The following TNNT2 variants were observed in gnomAD, a reference collection of about 807,000 sequenced individuals.
TNNT2 encodes the protein troponin T2, cardiac type.
Under a neutral mutation model 62.4 loss-of-function variants are expected in TNNT2, and 34 were observed. That is an observed-to-expected ratio of 0.54 (90% CI 0.41 to 0.72). TNNT2 has a LOEUF of 0.72. TNNT2 is among the 30% of genes least tolerant of loss of function. The pLI is 0.00. For missense variants in TNNT2, 275 were observed against 381.9 expected, an observed-to-expected ratio of 0.72 and a Z score of 2.33; for synonymous variants, 123 against 127.2, an observed-to-expected ratio of 0.97 and a Z score of 0.22.
rs1325007444 is a variant in TNNT2, at chr1:201,373,512, C to T, written c.-14-244G>A. On this transcript the variant is annotated intron_variant, in intron 1 of 16. Coordinates refer to ENST00000656932, the MANE Select transcript of TNNT2 (RefSeq NM_001276345.2). The stretch of plus-strand genomic sequence containing the variant: ...GTTCCTTGCCCCTGAACAGGCAATA[C>T]TGCCTGGGATGCTGCATTTCCATTT... 5.2e-5 allele frequency: 29 copies of T among 562,378 alleles called. No homozygotes were observed. In the South Asian group the frequency reaches 5.5e-4, roughly 11 times the overall value. 34.8% of individuals were successfully genotyped at this position (562,378 alleles called of 1,614,324 possible).
At chr1:201,369,563 C>A (rs1232958506) in intron 5 of TNNT2, among the ~76,000 whole-genome samples, 1 of 152,166 alleles carries the variant, frequency 6.6e-6, no homozygotes, top group Admixed American at 6.5e-5. Context: ...TAGCCTTGGT[C>A]CCTCCCACCA....
At chr1:201,368,291 G>C (rs985868008) in intron 5 of TNNT2, 64 bp from the exon 6 acceptor site, 58 of 1,569,778 alleles carry the variant, frequency 3.7e-5, no homozygotes, top group Non-Finnish European at 4.6e-5. Flanking sequence ...GCAGAACCCA[G>C]AGCAGAGAAT....
chr1:201,373,676 C>A, intron 1 of TNNT2: 1 of 272,070 alleles, frequency 3.7e-6, no homozygotes, highest in Non-Finnish European at 7.2e-6. Context: ...TGGGCTCAAG[C>A]GATTCTCCCA....
intron 15 of TNNT2, among the ~76,000 whole-genome samples, chr1:201,360,190 T>C (rs943727884): frequency 3.9e-5 from 6 of 152,118 alleles, no homozygotes; most frequent in African/African-American, 1.4e-4. Context: ...GGCACAGGAC[T>C]AGAGAGGCCA....
chr1:201,361,376 G>A lies in TNNT2; in HGVS notation c.720-7C>T, dbSNP rs376303087. Reference sequence around the variant, plus strand: ...CAGCTCCTTGGCCTTCTCCCTGCACGGGCAAGGGTGAGAATGGGGAGGTCC... The same window carrying A: ...CAGCTCCTTGGCCTTCTCCCTGCACAGGCAAGGGTGAGAATGGGGAGGTCC... On this transcript the variant is annotated splice_region_variant and splice_polypyrimidine_tract_variant and intron_variant, in intron 14 of 16. Transcript: ENST00000656932. The A allele has an allele frequency of 4.2e-5, 68 of 1,613,476 alleles. 1 individual carries two copies. Among genetic ancestry groups the A allele is most frequent in the Middle Eastern group, 1.7e-4 (1 of 6,058 alleles).
chr1:201,371,169 T>C (rs1403243628), intron 4 of TNNT2, among the ~76,000 whole-genome samples: 1 of 151,052 alleles, frequency 6.6e-6, no homozygotes, highest in East Asian at 1.9e-4. Context: ...ACATGCCACA[T>C]GCTGAAGTGA....
intron 1 of TNNT2, among the ~76,000 whole-genome samples, chr1:201,377,315 C>G (rs1185094058): frequency 6.6e-6 from 1 of 152,198 alleles, no homozygotes; most frequent in East Asian, 1.9e-4. Flanking sequence ...GATGAGAAAA[C>G]TGAGGCCTGG....
At chr1:201,368,026 T>C (rs1166180509) in intron 6 of TNNT2, 136 bp downstream of exon 6, 1 of 1,034,348 alleles carries the variant, frequency 9.7e-7, no homozygotes, top group Non-Finnish European at 1.5e-6. Context: ...GGGCAATCAA[T>C]GGTTGAATCT....
intron 12 of TNNT2, among the ~76,000 whole-genome samples, chr1:201,362,932 C>T (rs1658962026): frequency 6.6e-6 from 1 of 152,186 alleles, no homozygotes; most frequent in African/African-American, 2.4e-5. Flanking sequence ...TGCAAAAGGT[C>T]ACACAACTGT....
chr1:201,369,717 C>T, intron 5 of TNNT2, 99 bp downstream of exon 5: 1 of 1,509,232 alleles, frequency 6.6e-7, no homozygotes, highest in Non-Finnish European at 9.2e-7. Flanking sequence ...CTGCCGCCTA[C>T]TCACACCCCC....
At chr1:201,364,449 G>A in intron 10 of TNNT2, 74 bp from the exon 11 acceptor site, 2 of 1,451,364 alleles carry the variant, frequency 1.4e-6, no homozygotes, top group East Asian at 4.7e-5. Flanking sequence ...AAACCTGCAT[G>A]GGGTGGCAAG....
chr1:201,366,258 GGC>G (rs1458140104), intron 8 of TNNT2: 2 of 1,019,456 alleles, frequency 2.0e-6, no homozygotes, highest in East Asian at 1.7e-4. Context: ...GGTTTCAGAA[GGC>G]CCCACTGAAA....
At chr1:201,373,152 A>T in intron 2 of TNNT2, 62 bp downstream of exon 2, 1 of 1,537,450 alleles carries the variant, frequency 6.5e-7, no homozygotes, top group South Asian at 1.1e-5. Context: ...AGGCTCCTGG[A>T]CCAGGTGTCA....
chr1:201,367,051 C>T lies in TNNT2; in HGVS notation c.200-180G>A, dbSNP rs1262712174. On this transcript the variant is annotated intron_variant, in intron 7 of 16. Coordinates refer to ENST00000656932, the MANE Select transcript of TNNT2 (RefSeq NM_001276345.2). ...AGGAGAATGAAGGCAGCGGGGGCTG[C>T]AGATGCCACACTCCCCCTCCCATAG... is the stretch of plus-strand genomic sequence containing the variant. 6 of 912,248 alleles carry T rather than the reference C, an allele frequency of 6.6e-6. No individual in the cohort carries two copies. The Admixed American group carries it at 8.0e-5, about 12-fold the overall frequency. 56.5% of individuals were successfully genotyped at this position (912,248 alleles called of 1,614,324 possible).
At chr1:201,368,373 G>C (rs999240712) in intron 5 of TNNT2, 146 bp from the exon 6 acceptor site, 2 of 804,924 alleles carry the variant, frequency 2.5e-6, no homozygotes, top group Non-Finnish European at 4.2e-6. Context: ...CAACGTGCTG[G>C]GGGGCTGCCA....
chr1:201,376,602 A>T (rs975625013), intron 1 of TNNT2, among the ~76,000 whole-genome samples: 3 of 152,188 alleles, frequency 2.0e-5, no homozygotes, highest in Non-Finnish European at 4.4e-5. Flanking sequence ...GAGAAGGAAG[A>T]TTCGCCCTCT....
At chr1:201,359,527 G>A in intron 16 of TNNT2, 96 bp downstream of exon 16, 1 of 1,296,290 alleles carries the variant, frequency 7.7e-7, no homozygotes, top group Non-Finnish European at 1.1e-6. Flanking sequence ...GGAAGGGCTG[G>A]GAGCCTGGGG....
intron 8 of TNNT2, 169 bp from the exon 9 acceptor site, chr1:201,365,839 C>T: frequency 2.0e-6 from 3 of 1,512,326 alleles, no homozygotes; most frequent in Non-Finnish European, 2.7e-6. Flanking sequence ...CTCAGCCTTG[C>T]TCAGCACCTG....
At chr1:201,365,913 G>A in intron 8 of TNNT2, 1 of 1,361,208 alleles carries the variant, frequency 7.3e-7, no homozygotes. Flanking sequence ...CCCATGAAGT[G>A]GGTACCGTTA....
Sources: allele counts gnomAD v4.1 joint callset (sites outside exome capture counted in the v4.1 genomes callset), GRCh38; gene constraint gnomAD v4.1.1; transcripts MANE v1.5; gene names NCBI Gene and HGNC (gene_info 2026-07-23, HGNC 2026-07-21).